The following ADAMTS9 variants were observed in gnomAD, a reference collection of about 807,000 sequenced individuals.
ADAMTS9 encodes ADAM metallopeptidase with thrombospondin type 1 motif 9, also known as A disintegrin and metalloproteinase with thrombospondin motifs 9.
ADAMTS9 carries 107 observed loss-of-function variants against 257.1 expected under a neutral mutation model. The ratio of observed to expected loss-of-function variants is 0.42; its 90% CI spans 0.36 to 0.49. The LOEUF is 0.49. ADAMTS9 is among the 20% of genes least tolerant of loss of function. The pLI is 0.03. For synonymous variants in ADAMTS9, 982 were observed against 880.9 expected, an observed-to-expected ratio of 1.11 and a Z score of -2.03; for missense variants, 2,353 against 2,469.1, an observed-to-expected ratio of 0.95 and a Z score of 1.00.
chr3:64,652,401 T>G (rs1188945523), intron 8 of ADAMTS9, among the ~76,000 whole-genome samples: 3 of 152,230 alleles, frequency 2.0e-5, no homozygotes, highest in Non-Finnish European at 4.4e-5. Context: ...AGAATCTATT[T>G]TCTTAAAAGA....
chr3:64,549,513 G>A (rs1163805136), intron 31 of ADAMTS9, among the ~76,000 whole-genome samples: 5 of 152,060 alleles, frequency 3.3e-5, no homozygotes, highest in African/African-American at 1.2e-4. Context: ...TTCCTGGCTG[G>A]CCAAGAGCAA....
intron 22 of ADAMTS9, among the ~76,000 whole-genome samples, chr3:64,610,230 A>C (rs907979119): frequency 4.6e-5 from 7 of 152,228 alleles, no homozygotes; most frequent in Non-Finnish European, 1.0e-4. Context: ...CATCATAAAC[A>C]AGGGCAACAG....
rs967598740 is a variant in ADAMTS9, at chr3:64,515,828, G to C, written c.*1299C>G. 3 of 152,154 alleles carry C rather than the reference G, an allele frequency of 2.0e-5. No individual in the cohort carries two copies. The highest frequency in any genetic ancestry group is 4.4e-5 in the Non-Finnish European group (3 of 68,032). The allele number at this position is 152,154 out of a possible 1,614,324, so 9.4% of individuals were successfully genotyped here. On this transcript the variant is annotated 3_prime_UTR_variant, in exon 40 of 40. Coordinates refer to ENST00000498707, the MANE Select transcript of ADAMTS9 (RefSeq NM_182920.2). Reference sequence around the variant, plus strand: ...CTCTTTGGTCTTTGGAAGTGGGCAGGGTTTCTCAAACCAAGTGTCTTCCAT... The same window carrying C: ...CTCTTTGGTCTTTGGAAGTGGGCAGCGTTTCTCAAACCAAGTGTCTTCCAT...
At chr3:64,523,963 G>T (rs1206370366) in intron 38 of ADAMTS9, among the ~76,000 whole-genome samples, 4 of 152,130 alleles carry the variant, frequency 2.6e-5, no homozygotes, top group African/African-American at 9.7e-5. Context: ...TTTCTCAATG[G>T]ATTGTACCTA....
chr3:64,613,660 T>C (rs2084709584), intron 21 of ADAMTS9, 151 bp from the exon 22 acceptor site: 2 of 737,386 alleles, frequency 2.7e-6, no homozygotes, highest in South Asian at 5.2e-5. Flanking sequence ...GCCTCATTTT[T>C]TTCCTTTTGT....
chr3:64,574,315 C>G (rs1472041800), intron 28 of ADAMTS9, among the ~76,000 whole-genome samples: 1 of 152,118 alleles, frequency 6.6e-6, no homozygotes, highest in African/African-American at 2.4e-5. Context: ...CAACAGCAGT[C>G]TGGTGGCTCA....
At chr3:64,640,395 C>T (rs900251273) in intron 12 of ADAMTS9, among the ~76,000 whole-genome samples, 11 of 152,104 alleles carry the variant, frequency 7.2e-5, no homozygotes, top group African/African-American at 2.4e-4. Flanking sequence ...TTCTCACTGC[C>T]GAACAATCAG....
chr3:64,530,506 T>C (rs1376424798), intron 38 of ADAMTS9, among the ~76,000 whole-genome samples: 1 of 137,260 alleles, frequency 7.3e-6, no homozygotes, highest in Non-Finnish European at 1.5e-5. Context: ...CTCTCTGAAC[T>C]GCCAAGGAAC....
chr3:64,520,668 C>A (rs2082838505), intron 39 of ADAMTS9, among the ~76,000 whole-genome samples: 1 of 151,980 alleles, frequency 6.6e-6, no homozygotes, highest in African/African-American at 2.4e-5. Flanking sequence ...AACTGGACTT[C>A]AACACAATCA....
chr3:64,621,306 G>A (rs1236287068), intron 18 of ADAMTS9, 66 bp from the exon 19 acceptor site: 25 of 1,506,670 alleles, frequency 1.7e-5, no homozygotes, highest in South Asian at 7.6e-5. Flanking sequence ...TTTAGACCCC[G>A]GATTGGCAAG....
chr3:64,622,186 C>T lies in ADAMTS9; in HGVS notation c.2686+12G>A. 6.3e-7 allele frequency: 1 copy of T among 1,594,002 alleles called. No individual in the cohort carries two copies. The highest frequency in any genetic ancestry group is 8.5e-7 in the Non-Finnish European group (1 of 1,170,172). ...TTCTCAAATCCCCAGAACTCAAATT[C>T]AAAGCAGATACCTTGGCAGGGTTTA... On this transcript the variant is annotated intron_variant, in intron 18 of 39. Transcript: ENST00000498707.
chr3:64,568,262 C>T, intron 29 of ADAMTS9, 106 bp downstream of exon 29: 1 of 1,266,470 alleles, frequency 7.9e-7, no homozygotes, highest in Non-Finnish European at 1.1e-6. Context: ...CCCCGAGCTC[C>T]CCTCGGTAAA....
At position 64,632,842 on chromosome 3, in the gene ADAMTS9, C is replaced by G. The variant is rs1167000716; in HGVS notation, c.2175+630G>C. ...TGGACCACAGGCAAAAAAAAAAAAA[C>G]AAACAAAAAAAACAACCAGAGGCAT... On this transcript the variant is annotated intron_variant, in intron 14 of 39. Transcript: ENST00000498707. Among the ~76,000 whole-genome samples, 4 of 135,714 alleles carry G rather than the reference C, an allele frequency of 2.9e-5. No individual in the cohort carries two copies. In the South Asian group the frequency reaches 9.3e-4, roughly 32 times the overall value. The allele number at this position is 135,714 out of a possible 152,430, so 89.0% of individuals were successfully genotyped here. A position where few individuals can be genotyped will look rare whatever the true frequency, so the allele number is the denominator to read the frequency against.
At chr3:64,622,169 TC>T (rs745930883) in intron 18 of ADAMTS9, 28 bp downstream of exon 18, 1 of 1,569,114 alleles carries the variant, frequency 6.4e-7, no homozygotes, top group East Asian at 2.3e-5. Context: ...ACTTCTCAAA[TC>T]CCCAGAACTC....
chr3:64,634,746 C>A (rs1225121877), intron 12 of ADAMTS9, among the ~76,000 whole-genome samples: 3 of 152,210 alleles, frequency 2.0e-5, no homozygotes, highest in African/African-American at 7.2e-5. Flanking sequence ...GGTTTCACAA[C>A]TGCCCTAGGA....
At position 64,655,559 on chromosome 3, in the gene ADAMTS9, A is replaced by T; in HGVS notation, c.1169+17T>A. The T allele has an allele frequency of 6.3e-7, 1 of 1,587,262 alleles. No individual in the cohort carries two copies. Among genetic ancestry groups the T allele is most frequent in the African/African-American group, 1.3e-5 (1 of 74,452 alleles). ...GACCTGAGACTGAAAGATCTGAGGA[A>T]TAAGAAATCCATATACCTTGTTAAG... On this transcript the variant is annotated intron_variant, in intron 6 of 39. Coordinates refer to ENST00000498707, the MANE Select transcript of ADAMTS9 (RefSeq NM_182920.2).
chr3:64,674,749 A>T (rs750784179), intron 3 of ADAMTS9, among the ~76,000 whole-genome samples: 3 of 152,178 alleles, frequency 2.0e-5, no homozygotes, highest in Non-Finnish European at 4.4e-5. Context: ...CACTGCCTGG[A>T]ACCCATAGGC....
At position 64,686,428 on chromosome 3, in the gene ADAMTS9, C is replaced by G. The variant is rs1220524182; in HGVS notation, c.516+140G>C. ...CACAGAGCTAGCTACCCAAACCATA[C>G]GAGTTTCTAGCTGATATTTAACGCC... On this transcript the variant is annotated intron_variant, in intron 2 of 39. Coordinates refer to ENST00000498707, the MANE Select transcript of ADAMTS9 (RefSeq NM_182920.2). The surrounding 1 kb of genome is among the most constrained non-coding windows in gnomAD (Gnocchi z 4.6). The G allele has an allele frequency of 8.2e-7, 1 of 1,220,158 alleles. No homozygotes were observed. Among genetic ancestry groups the G allele is most frequent in the Non-Finnish European group, 1.1e-6 (1 of 897,896 alleles). The allele number at this position is 1,220,158 out of a possible 1,614,324, so 75.6% of individuals were successfully genotyped here. A position where few individuals can be genotyped will look rare whatever the true frequency, so the allele number is the denominator to read the frequency against.
At chr3:64,672,212 T>G (rs1701508387) in intron 3 of ADAMTS9, among the ~76,000 whole-genome samples, 1 of 152,198 alleles carries the variant, frequency 6.6e-6, no homozygotes, top group African/African-American at 2.4e-5. Context: ...GTGAACACAT[T>G]ATCAAGTATT....
Sources: gnomAD v4.1 joint callset for allele counts (sites outside exome capture counted in the v4.1 genomes callset) on GRCh38, gnomAD v4.1.1 for gene constraint, Gnocchi (gnomAD v3.1) non-coding constraint, MANE v1.5 for transcripts, NCBI Gene and HGNC (gene_info 2026-07-23, HGNC 2026-07-21) for gene names.